DMRTC2: variants seen among roughly 807,000 people sequenced by gnomAD.
DMRTC2 encodes the protein doublesex- and mab-3-related transcription factor C2.
In DMRTC2, 13 loss-of-function variants were observed where a neutral mutation model predicts 39.9. That is an observed-to-expected ratio of 0.33 (90% CI 0.21 to 0.52). The LOEUF (loss-of-function observed/expected upper bound fraction) is 0.52, where lower values mean the gene tolerates loss of function less well. Ranked by LOEUF, DMRTC2 falls within the 20% of genes least tolerant of loss-of-function variation. The pLI is 0.96. For synonymous variants in DMRTC2, 189 were observed against 185.2 expected, an observed-to-expected ratio of 1.02 and a Z score of -0.17; for missense variants, 431 against 472.8, an observed-to-expected ratio of 0.91 and a Z score of 0.82.
intron 6 of DMRTC2, 41 bp downstream of exon 6, chr19:41,849,297 T>C: frequency 6.2e-7 from 1 of 1,604,766 alleles, no homozygotes; most frequent in Non-Finnish European, 8.5e-7. Context: ...AGCCTAAGCC[T>C]GTGCTGTGTC....
intron 8 of DMRTC2, chr19:41,851,277 G>A: frequency 3.1e-6 from 1 of 325,656 alleles, no homozygotes; most frequent in African/African-American, 2.1e-5. Flanking sequence ...AGAGGCTTCT[G>A]ATGGTGGAGA....
intron 6 of DMRTC2, among the ~76,000 whole-genome samples, 184 bp downstream of exon 6, chr19:41,849,440 T>A (rs1555836854): frequency 6.6e-6 from 1 of 152,260 alleles, no homozygotes; most frequent in Non-Finnish European, 1.5e-5. Context: ...TTTACCTCTC[T>A]GAGCCTGTTT....
At chr19:41,846,288 G>C (rs1044955382) in intron 1 of DMRTC2, among the ~76,000 whole-genome samples, 3 of 152,182 alleles carry the variant, frequency 2.0e-5, no homozygotes, top group African/African-American at 7.2e-5. Context: ...GACGGAACAG[G>C]GTGCTTGTGA....
At chr19:41,849,059 A>AGGT in intron 5 of DMRTC2, 71 bp from the exon 6 acceptor site, 1 of 1,611,600 alleles carries the variant, frequency 6.2e-7, no homozygotes, top group Non-Finnish European at 8.5e-7. Context: ...AAGAAAGCAT[A>AGGT]GGTGGGGAGA....
chr19:41,848,135 C>T lies in DMRTC2; in HGVS notation c.370+254C>T, dbSNP rs543788947. On this transcript the variant is annotated intron_variant, in intron 3 of 8. Coordinates refer to ENST00000269945, the MANE Select transcript of DMRTC2 (RefSeq NM_001040283.3). Reference sequence around the variant, plus strand: ...GGCTGAGGCAGGCAGACCACGAGGTCAAGAGATCGAGACCATCCTGGCCAA... The same window carrying T: ...GGCTGAGGCAGGCAGACCACGAGGTTAAGAGATCGAGACCATCCTGGCCAA... Among the ~76,000 whole-genome samples the T allele has an allele frequency of 6.6e-5, 10 of 152,262 alleles. No homozygotes were observed. In the South Asian group the frequency reaches 1.0e-3, roughly 16 times the overall value.
At chr19:41,851,040 G>A (rs2073948582) in intron 8 of DMRTC2, 3 of 266,032 alleles carry the variant, frequency 1.1e-5, no homozygotes, top group Admixed American at 5.2e-5. Context: ...GTGGGGTCTG[G>A]CCTGGGAGGA....
intron 1 of DMRTC2, among the ~76,000 whole-genome samples, chr19:41,846,428 T>C (rs11879519): frequency 0.033 from 5,072 of 151,894 alleles, 295 homozygotes; most frequent in African/African-American, 0.12. Context: ...ATACAGAATG[T>C]CGGGCGCAGC....
chr19:41,850,436 A>G (rs373347878), intron 7 of DMRTC2, 64 bp downstream of exon 7: 11 of 1,568,278 alleles, frequency 7.0e-6, no homozygotes, highest in Admixed American at 1.9e-5. Flanking sequence ...AGGAAAAAGC[A>G]GGAAACTGAA....
intron 1 of DMRTC2, among the ~76,000 whole-genome samples, chr19:41,846,863 G>A (rs1256478801): frequency 5.1e-5 from 7 of 138,560 alleles, no homozygotes; most frequent in African/African-American, 1.3e-4. Context: ...CACCGCACCC[G>A]GCCTAAAAAT....
chr19:41,846,310 A>G (rs1188558320), intron 1 of DMRTC2, among the ~76,000 whole-genome samples: 1 of 152,164 alleles, frequency 6.6e-6, no homozygotes, highest in African/African-American at 2.4e-5. Context: ...AAGGGGATGT[A>G]GGACTCGCTG....
At chr19:41,848,025 G>C (rs950243904) in intron 3 of DMRTC2, 144 bp downstream of exon 3, 1 of 1,245,246 alleles carries the variant, frequency 8.0e-7, no homozygotes, top group Non-Finnish European at 1.1e-6. Flanking sequence ...TCCCAGCGTT[G>C]AGAGAATGCA....
At position 41,850,567 on chromosome 19, in the gene DMRTC2, A is replaced by G. The variant is rs376681234; in HGVS notation, c.858A>G (p.Ser286=). ...ASCLARTSGP[S]EWQLQQEAAE... ...GCCTGGCCCGGACATCTGGCCCCTC[A>G]GAGTGGCAGCTGCAGCAAGAGGCAG... Residue 286 remains serine, a synonymous_variant, in exon 8 of 9, where the codon TCA becomes TCG. Transcript: ENST00000269945. The G allele has an allele frequency of 1.9e-6, 3 of 1,613,458 alleles. No homozygotes were observed. Among genetic ancestry groups the G allele is most frequent in the Non-Finnish European group, 2.5e-6 (3 of 1,179,790 alleles).
In DMRTC2 at chr19:41,849,273, G is replaced by A. The variant is rs782772098; in HGVS notation, c.755+17G>A. ...GCCCCGCACGTGAGTAGGGAGAGAA[G>A]GATGTGTATCATAAGCCTAAGCCTG... On this transcript the variant is annotated intron_variant, in intron 6 of 8. Coordinates refer to ENST00000269945, the MANE Select transcript of DMRTC2 (RefSeq NM_001040283.3). The A allele has an allele frequency of 6.2e-7, 1 of 1,613,332 alleles. No individual in the cohort carries two copies. The highest frequency in any genetic ancestry group is 1.1e-5 in the South Asian group (1 of 90,996).
At position 41,848,438 on chromosome 19, in the gene DMRTC2, C is replaced by T. The variant is rs782029615; in HGVS notation, c.371-14C>T. 1 of 1,594,580 alleles carries T rather than the reference C, an allele frequency of 6.3e-7. No homozygotes were observed. Among genetic ancestry groups the T allele is most frequent in the Non-Finnish European group, 8.5e-7 (1 of 1,170,444 alleles). ...GAGAAAGGGCTCATTAGAGCTCTCC[C>T]TGGTCCTTCACAGCTGGAAAGGAGA... On this transcript the variant is annotated splice_polypyrimidine_tract_variant and intron_variant, in intron 3 of 8. Transcript: ENST00000269945.
chr19:41,848,624 C>A, intron 4 of DMRTC2, 96 bp downstream of exon 4: 1 of 1,388,738 alleles, frequency 7.2e-7, no homozygotes, highest in Non-Finnish European at 1.0e-6. Flanking sequence ...CTAGCCCCAG[C>A]CCTGGTTTGC....
chr19:41,850,705 GC>G lies in DMRTC2; in HGVS notation c.991+7del. 6.4e-7 allele frequency: 1 copy of G among 1,561,198 alleles called. No individual in the cohort carries two copies. The highest frequency in any genetic ancestry group is 8.7e-7 in the Non-Finnish European group (1 of 1,155,712). On this transcript the variant is annotated splice_donor_region_variant and intron_variant, in intron 8 of 8. Transcript: ENST00000269945. ...TTCACCCCTGTGGCCCACCAGGTGG[GC>G]CATGAAAGGAGAGGATGGATAGGGA...
At chr19:41,848,625 C>T (rs1260788317) in intron 4 of DMRTC2, 97 bp downstream of exon 4, 9 of 1,394,316 alleles carry the variant, frequency 6.5e-6, no homozygotes, top group Non-Finnish European at 9.0e-6. Context: ...TAGCCCCAGC[C>T]CTGGTTTGCT....
chr19:41,846,755 G>A (rs1243482006), intron 1 of DMRTC2, among the ~76,000 whole-genome samples: 2 of 151,870 alleles, frequency 1.3e-5, no homozygotes, highest in Admixed American at 6.6e-5. Flanking sequence ...TTTTAGTAGA[G>A]ACAGGGTTTC....
chr19:41,848,425 A>G lies in DMRTC2; in HGVS notation c.371-27A>G, dbSNP rs1381757240. 2.5e-6 allele frequency: 4 copies of G among 1,581,998 alleles called. No homozygotes were observed. The African/African-American group carries it at 4.1e-5, about 16-fold the overall frequency. On this transcript the variant is annotated intron_variant, in intron 3 of 8. Transcript: ENST00000269945. ...GGATAGGGGTCAGGAGAAAGGGCTC[A>G]TTAGAGCTCTCCCTGGTCCTTCACA...
Sources: gnomAD v4.1 joint callset for allele counts (sites outside exome capture counted in the v4.1 genomes callset) on GRCh38, gnomAD v4.1.1 for gene constraint, MANE v1.5 for transcripts, NCBI Gene and HGNC (gene_info 2026-07-23, HGNC 2026-07-21) for gene names.